Variants in CDH10 observed in about 807,000 individuals in gnomAD.
The protein encoded by CDH10 is cadherin-10.
In CDH10, 30 loss-of-function variants were observed where a neutral mutation model predicts 73.1. The observed-to-expected ratio is 0.41, with a 90% CI of 0.31 to 0.56. The LOEUF (loss-of-function observed/expected upper bound fraction) is 0.56. Ranked by LOEUF, CDH10 falls within the 20% of genes least tolerant of loss-of-function variation. The pLI is 0.27. For synonymous variants in CDH10, 345 were observed against 348.2 expected (o/e 0.99, Z 0.10); for missense variants, 815 against 973.7 (o/e 0.84, Z 2.17).
chr5:24,625,047 CA>C (rs1476912856), intron 1 of CDH10, among the ~76,000 whole-genome samples: 1 of 152,034 alleles, frequency 6.6e-6, no homozygotes, highest in Non-Finnish European at 1.5e-5. Context: ...GGTCTTAGGG[CA>C]CCCTTTGAAG....
intron 1 of CDH10, among the ~76,000 whole-genome samples, chr5:24,603,053 T>C (rs2112122586): frequency 6.6e-6 from 1 of 152,284 alleles, no homozygotes; most frequent in Admixed American, 6.5e-5. Flanking sequence ...CTCTAAAAAC[T>C]AGAAGATTTC....
intron 5 of CDH10, among the ~76,000 whole-genome samples, chr5:24,530,304 A>G (rs1743692362): frequency 6.6e-6 from 1 of 151,888 alleles, no homozygotes. Flanking sequence ...TTTCTCAGGG[A>G]TACTTTTTGT....
At chr5:24,643,750 T>G (rs1329618921) in intron 1 of CDH10, among the ~76,000 whole-genome samples, 1 of 152,190 alleles carries the variant, frequency 6.6e-6, no homozygotes, top group Non-Finnish European at 1.5e-5. Context: ...AAGGAGACAG[T>G]AGGTTTTTAT....
At chr5:24,633,612 T>A (rs1175486138) in intron 1 of CDH10, among the ~76,000 whole-genome samples, 1 of 151,956 alleles carries the variant, frequency 6.6e-6, no homozygotes, top group Non-Finnish European at 1.5e-5. Context: ...AGGTTAAATG[T>A]ATGAGTCATT....
At chr5:24,605,483 G>C (rs1330577717) in intron 1 of CDH10, among the ~76,000 whole-genome samples, 1 of 152,220 alleles carries the variant, frequency 6.6e-6, no homozygotes, top group Non-Finnish European at 1.5e-5. Flanking sequence ...AGGTGGAACA[G>C]TCATCCTGAA....
chr5:24,538,851 AGGAAGAACAGATCTT>A (rs1368217999), intron 2 of CDH10, among the ~76,000 whole-genome samples: 1 of 152,100 alleles, frequency 6.6e-6, no homozygotes, highest in Non-Finnish European at 1.5e-5. Context: ...GCGTGGCCAC[AGGAAGAACAGATCTT>A]GGCTTTGAGA....
chr5:24,578,347 T>TA, intron 2 of CDH10: 1 of 214,154 alleles, frequency 4.7e-6, no homozygotes, highest in Non-Finnish European at 1.1e-5. Context: ...GCAGTTGGTT[T>TA]ATTGAAAGAA....
intron 2 of CDH10, among the ~76,000 whole-genome samples, chr5:24,575,266 G>A (rs1745554882): frequency 1.6e-5 from 1 of 62,114 alleles, no homozygotes; most frequent in African/African-American, 3.0e-5. Context: ...GGAGGCTGAG[G>A]CATGAGAATC....
At chr5:24,628,089 A>AG (rs1747570644) in intron 1 of CDH10, among the ~76,000 whole-genome samples, 1 of 152,144 alleles carries the variant, frequency 6.6e-6, no homozygotes, top group Non-Finnish European at 1.5e-5. Flanking sequence ...TTGTTTTCCC[A>AG]GGGGAAATAA....
chr5:24,633,566 A>G (rs183467200), intron 1 of CDH10, among the ~76,000 whole-genome samples: 1 of 151,964 alleles, frequency 6.6e-6, no homozygotes, highest in Admixed American at 6.6e-5. Flanking sequence ...TTTGTGTTGA[A>G]CACCAGAGGA....
intron 1 of CDH10, among the ~76,000 whole-genome samples, chr5:24,608,498 G>T (rs1746837359): frequency 1.3e-5 from 2 of 151,930 alleles, no homozygotes; most frequent in South Asian, 4.1e-4. Context: ...TCACCATGTT[G>T]GCCAGGATGG....
At chr5:24,587,343 T>C (rs563570253) in intron 2 of CDH10, among the ~76,000 whole-genome samples, 6 of 152,302 alleles carry the variant, frequency 3.9e-5, no homozygotes, top group African/African-American at 1.4e-4. Context: ...CTCTCTTTCA[T>C]TTACTTTATA....
At chr5:24,499,734 T>C (rs62349560) in intron 8 of CDH10, among the ~76,000 whole-genome samples, 1 of 112,500 alleles carries the variant, frequency 8.9e-6, no homozygotes, top group African/African-American at 2.9e-5. Context: ...GATATGTAAA[T>C]TAATAAAAAT....
At chr5:24,621,784 T>A (rs990968968) in intron 1 of CDH10, among the ~76,000 whole-genome samples, 1 of 152,220 alleles carries the variant, frequency 6.6e-6, no homozygotes, top group Non-Finnish European at 1.5e-5. Flanking sequence ...TATGCACACA[T>A]ATAATTCATT....
At chr5:24,533,664 C>T (rs770093892) in intron 5 of CDH10, among the ~76,000 whole-genome samples, 4 of 152,004 alleles carry the variant, frequency 2.6e-5, no homozygotes, top group Non-Finnish European at 5.9e-5. Flanking sequence ...TGGTAAAAGG[C>T]TCGAGCTAAG....
chr5:24,594,628 AT>A (rs1446472448), intron 1 of CDH10, among the ~76,000 whole-genome samples: 1 of 151,738 alleles, frequency 6.6e-6, no homozygotes, highest in Non-Finnish European at 1.5e-5. Context: ...CATGCAATAC[AT>A]TTTACATGCT....
chr5:24,589,835 C>T (rs1746140634), intron 2 of CDH10, among the ~76,000 whole-genome samples: 1 of 151,880 alleles, frequency 6.6e-6, no homozygotes, highest in African/African-American at 2.4e-5. Flanking sequence ...AGTTTATAAT[C>T]GCAATGTTCC....
chr5:24,550,062 TGAA>T (rs1383074758), intron 2 of CDH10, among the ~76,000 whole-genome samples: 1 of 152,078 alleles, frequency 6.6e-6, no homozygotes, highest in Admixed American at 6.6e-5. Flanking sequence ...CTGAAGAGAA[TGAA>T]GAATACCAGA....
At chr5:24,541,011 TC>T (rs1744135662) in intron 2 of CDH10, among the ~76,000 whole-genome samples, 1 of 151,886 alleles carries the variant, frequency 6.6e-6, no homozygotes, top group Non-Finnish European at 1.5e-5. Flanking sequence ...ACCTTACACT[TC>T]TTATGTTTTT....
Sources: allele counts gnomAD v4.1 joint callset (sites outside exome capture counted in the v4.1 genomes callset), GRCh38; gene constraint gnomAD v4.1.1; transcripts MANE v1.5; gene names NCBI Gene and HGNC (gene_info 2026-07-23, HGNC 2026-07-21).